Variants in MADD observed in about 807,000 individuals in gnomAD.
MADD encodes the protein MAP kinase-activating death domain protein.
MADD carries 109 observed loss-of-function variants against 176.7 expected under a neutral mutation model. The observed-to-expected ratio is 0.62, with a 90% CI of 0.53 to 0.72. The LOEUF (loss-of-function observed/expected upper bound fraction) is 0.72, where lower values mean the gene tolerates loss of function less well. Ranked by LOEUF, MADD falls within the 30% of genes least tolerant of loss-of-function variation. The probability of loss-of-function intolerance (pLI) is 0.00; values close to 1 mark genes in which losing one functional copy is unlikely to be tolerated. For synonymous variants in MADD, 771 were observed against 771.3 expected, an observed-to-expected ratio of 1.00 and a Z score of 0.01; for missense variants, 1,914 against 2,045.5, an observed-to-expected ratio of 0.94 and a Z score of 1.24.
chr11:47,281,841 C>T, intron 8 of MADD, 88 bp downstream of exon 8: 1 of 398,726 alleles, frequency 2.5e-6, no homozygotes, highest in Non-Finnish European at 3.5e-6. Context: ...TTTCTCTGAA[C>T]CAGGGTTCCT....
rs780984999 is a variant in MADD, at chr11:47,324,253, C to G, written c.4363-12C>G. 8 of 1,613,558 alleles carry G rather than the reference C, an allele frequency of 5.0e-6. No individual in the cohort carries two copies. The highest frequency in any genetic ancestry group is 4.0e-5 in the African/African-American group (3 of 74,922). ...GCCCTCATGATGGGACCACTCTCCC[C>G]CTGTGCCACAGTGTCGGGAGCTGTA... is the stretch of plus-strand genomic sequence containing the variant. On this transcript the variant is annotated splice_polypyrimidine_tract_variant and intron_variant, in intron 28 of 32. Coordinates refer to ENST00000402192, the Ensembl canonical transcript of MADD.
intron 12 of MADD, 87 bp from the exon 13 acceptor site, chr11:47,284,854 A>C: frequency 6.5e-7 from 1 of 1,547,230 alleles, no homozygotes; most frequent in South Asian, 1.2e-5. Context: ...GAAATCTGAC[A>C]GGCCTGGTCC....
intron 31 of MADD, 34 bp from the exon 36 acceptor site, chr11:47,328,624 C>T (rs201535748): frequency 6.2e-7 from 1 of 1,614,068 alleles, no homozygotes; most frequent in Admixed American, 1.7e-5. Flanking sequence ...TAGTGTTGAA[C>T]TTTCTGTTTT....
chr11:47,327,921 C>G, intron 31 of MADD: 2 of 985,276 alleles, frequency 2.0e-6, no homozygotes, highest in Non-Finnish European at 2.4e-6. Context: ...ATGGCTGGAG[C>G]GGGGGGACTC....
chr11:47,297,949 C>T (rs182114979), intron 22 of MADD, among the ~76,000 whole-genome samples: 102 of 151,620 alleles, frequency 6.7e-4, no homozygotes, highest in Non-Finnish European at 1.2e-3. Flanking sequence ...CCACCATGCC[C>T]GGCTAATTTT....
At chr11:47,282,348 G>A (rs2057582629) in intron 8 of MADD, 33 bp from the exon 9 acceptor site, 2 of 1,576,206 alleles carry the variant, frequency 1.3e-6, no homozygotes, top group Non-Finnish European at 1.7e-6. Context: ...TTACCCTATG[G>A]GTCTCAGATT....
chr11:47,310,404 G>C (rs1210544115), intron 25 of MADD, among the ~76,000 whole-genome samples: 1 of 149,806 alleles, frequency 6.7e-6, no homozygotes, highest in Admixed American at 6.7e-5. Flanking sequence ...CTGGTCTCTC[G>C]TACTTCTGAC....
chr11:47,317,058 C>T (rs2093285671), intron 27 of MADD, among the ~76,000 whole-genome samples: 1 of 152,204 alleles, frequency 6.6e-6, no homozygotes, highest in African/African-American at 2.4e-5. Context: ...TTTCTCCTTT[C>T]TTTCAGAAAG....
intron 25 of MADD, 133 bp from the exon 29 acceptor site, chr11:47,311,599 A>G (rs2089288128): frequency 4.8e-6 from 3 of 630,230 alleles, no homozygotes; most frequent in South Asian, 4.0e-5. Context: ...GTTTTCTCCC[A>G]TGTTCAGTGA....
intron 1 of MADD, chr11:47,271,014 G>GT (rs1962289826): frequency 6.6e-6 from 1 of 152,256 alleles, no homozygotes; most frequent in African/African-American, 2.4e-5. Context: ...CAAAGGGTTG[G>GT]TTAGCATGGC....
chr11:47,282,115 G>A (rs1002283679), intron 8 of MADD, among the ~76,000 whole-genome samples: 2 of 151,716 alleles, frequency 1.3e-5, no homozygotes, highest in South Asian at 2.1e-4. Context: ...GATTACAGCC[G>A]TGAGCCACCG....
chr11:47,295,426 G>A (rs2070449829), intron 20 of MADD, 70 bp from the exon 23 acceptor site: 2 of 1,262,576 alleles, frequency 1.6e-6, no homozygotes, highest in East Asian at 2.3e-5. Context: ...AAAGAAAAAG[G>A]TACAGTATTT....
In MADD at chr11:47,286,300, T is replaced by A. The variant is rs2060600102; in HGVS notation, c.2552-133T>A. 1.1e-5 allele frequency: 8 copies of A among 704,150 alleles called. 1 individual carries two copies. The highest frequency in any genetic ancestry group is 1.8e-5 in the Non-Finnish European group (7 of 391,400). The allele number at this position is 704,150 out of a possible 1,614,324, so 43.6% of individuals were successfully genotyped here. ...TAGACTTGATCCTTTCTAAGACAGA[T>A]CAGAGATGATCTGATCCACCAAACT... On this transcript the variant is annotated intron_variant, in intron 14 of 32. Coordinates refer to ENST00000402192, the Ensembl canonical transcript of MADD.
At chr11:47,310,371 G>A (rs570669222) in intron 25 of MADD, among the ~76,000 whole-genome samples, 63 of 140,988 alleles carry the variant, frequency 4.5e-4, no homozygotes, top group African/African-American at 1.4e-3. Flanking sequence ...TAGTAGAGAC[G>A]GGGTTTCACA....
intron 16 of MADD, 37 bp downstream of exon 17, chr11:47,289,530 C>T (rs1242120062): frequency 6.4e-7 from 1 of 1,564,608 alleles, no homozygotes; most frequent in Admixed American, 1.7e-5. Flanking sequence ...AGTTCTCAGG[C>T]AGAGGTGGGG....
chr11:47,293,814 G>A (rs188021475), intron 19 of MADD, 69 bp from the exon 22 acceptor site: 39 of 1,007,406 alleles, frequency 3.9e-5, no homozygotes, highest in African/African-American at 7.9e-5. Flanking sequence ...CTGTGCTGCC[G>A]TCCCACCCCC....
Position 47,273,822 on chromosome 11 carries a change from A to G in MADD, c.-88-5A>G, listed in dbSNP as rs2047250315. 8.1e-6 allele frequency: 9 copies of G among 1,108,440 alleles called. No individual in the cohort carries two copies. Among genetic ancestry groups the G allele is most frequent in the Admixed American group, 1.9e-5 (1 of 53,964 alleles). 68.7% of individuals were successfully genotyped at this position (1,108,440 alleles called of 1,614,324 possible). ...GGATCTTATCAGTACTTTTTTTCCTATTAGACTTCGATTTTCAGAATTCCT... is the reference window on the plus strand; with the variant it reads ...GGATCTTATCAGTACTTTTTTTCCTGTTAGACTTCGATTTTCAGAATTCCT... On this transcript the variant is annotated splice_polypyrimidine_tract_variant and splice_region_variant and intron_variant, in intron 1 of 32. Transcript: ENST00000402192.
At chr11:47,273,342 T>C (rs1591559779) in intron 1 of MADD, among the ~76,000 whole-genome samples, 1 of 72 alleles carries the variant, frequency 0.014, no homozygotes, top group African/African-American at 0.071. Context: ...TTATCTACAT[T>C]TTTTTTTTTT....
chr11:47,296,543 T>C (rs2139377439), intron 22 of MADD, among the ~76,000 whole-genome samples: 1 of 152,320 alleles, frequency 6.6e-6, no homozygotes, highest in South Asian at 2.1e-4. Context: ...AGTGATTTAC[T>C]AAGTGCCAGA....
Sources: gnomAD v4.1 joint callset for allele counts (sites outside exome capture counted in the v4.1 genomes callset) on GRCh38, gnomAD v4.1.1 for gene constraint, MANE v1.5 for transcripts, NCBI Gene and HGNC (gene_info 2026-07-23, HGNC 2026-07-21) for gene names.